Variants in EFCAB5 observed in about 807,000 individuals in gnomAD.
EFCAB5 encodes the protein EF-hand calcium-binding domain-containing protein 5.
In EFCAB5, 131 loss-of-function variants were observed where a neutral mutation model predicts 167.9. The observed-to-expected ratio is 0.78, with a 90% CI of 0.68 to 0.90. EFCAB5 has a LOEUF of 0.90. Among genes scored for constraint, EFCAB5 ranks in the 40% least tolerant of loss-of-function variants. The pLI, the probability that EFCAB5 is intolerant of heterozygous loss-of-function variation, is 0.00. For missense variants in EFCAB5, 1,663 were observed against 1,745.2 expected (o/e 0.95, Z 0.84); for synonymous variants, 574 against 602.8 (o/e 0.95, Z 0.70).
At chr17:29,939,708 C>G (rs1408534579), upstream of EFCAB5, among the ~76,000 whole-genome samples, 1 of 152,188 alleles carries the variant, frequency 6.6e-6, no homozygotes, top group Non-Finnish European at 1.5e-5. Flanking sequence ...TTCAGCTTTT[C>G]CTCTGCAGCT....
chr17:30,001,030 CAACTGTTT>C (rs1314093821), intron 7 of EFCAB5, among the ~76,000 whole-genome samples: 1 of 152,182 alleles, frequency 6.6e-6, no homozygotes, highest in Non-Finnish European at 1.5e-5. Context: ...AGCCAATCCT[CAACTGTTT>C]AACCTCTCGT....
chr17:30,070,355 A>T (rs1032953757), intron 14 of EFCAB5, among the ~76,000 whole-genome samples: 2 of 152,222 alleles, frequency 1.3e-5, no homozygotes, highest in South Asian at 4.1e-4. Context: ...TCTAAAATTC[A>T]TATGGTATCA....
intron 3 of EFCAB5, among the ~76,000 whole-genome samples, chr17:29,961,196 A>G (rs1472701983): frequency 6.6e-6 from 1 of 152,188 alleles, no homozygotes; most frequent in Non-Finnish European, 1.5e-5. Context: ...TATGATTTGC[A>G]TTCCCTAATA....
In EFCAB5 at chr17:30,057,940, A is replaced by C. The variant is rs2070319882; in HGVS notation, c.2580+50A>C. ...TACAAGTGAGGTCACTATTATAAGT[A>C]AATCTCTCAACCTCAGTTGCTCCCG... On this transcript the variant is annotated intron_variant, in intron 13 of 22. Coordinates refer to ENST00000394835, the MANE Select transcript of EFCAB5 (RefSeq NM_198529.4). The C allele has an allele frequency of 2.6e-6, 4 of 1,523,138 alleles. No homozygotes were observed. In the South Asian group the frequency reaches 4.9e-5, roughly 19 times the overall value. The allele number at this position is 1,523,138 out of a possible 1,614,324, so 94.4% of individuals were successfully genotyped here.
intron 14 of EFCAB5, among the ~76,000 whole-genome samples, chr17:30,067,778 A>G (rs1039948477): frequency 6.6e-6 from 1 of 152,210 alleles, no homozygotes; most frequent in African/African-American, 2.4e-5. Context: ...AATGAGACAA[A>G]GATAACCACT....
Position 29,968,872 on chromosome 17 carries a change from T to C in EFCAB5, c.272T>C (p.Ile91Thr). The change falls in exon 4 of 23, where the codon ATT (isoleucine) becomes ACT (threonine). Residue 91 changes from isoleucine to threonine, a missense_variant. Transcript: ENST00000394835. ...SKTEASGNIA[I>T]RKSAKVIFAL... ...ACTGAAGCCTCAGGTAATATTGCAA[T>C]TAGAAAATCTGCAAAAGTGATTTTT... The C allele has an allele frequency of 1.3e-6, 2 of 1,561,652 alleles. No individual in the cohort carries two copies. Among genetic ancestry groups the C allele is most frequent in the Non-Finnish European group, 1.7e-6 (2 of 1,152,310 alleles).
Position 30,051,177 on chromosome 17 carries a change from T to C in EFCAB5, c.1260T>C (p.Ser420=), listed in dbSNP as rs2070084246. The C allele has an allele frequency of 6.2e-7, 1 of 1,614,014 alleles. No individual in the cohort carries two copies. Among genetic ancestry groups the C allele is most frequent in the South Asian group, 1.1e-5 (1 of 91,080 alleles). The change falls in exon 9 of 23, where the codon AGT becomes AGC. Residue 420 remains serine, a synonymous_variant. Coordinates refer to ENST00000394835, the MANE Select transcript of EFCAB5 (RefSeq NM_198529.4). ...LALLELFYDH[S]SQMLRSLLRN... is the part of the protein sequence containing the mutation. ...TGCTGGAATTGTTCTATGACCATAG[T>C]TCACAAATGCTTAGGAGTTTACTTC...
intron 22 of EFCAB5, among the ~76,000 whole-genome samples, chr17:30,093,503 G>C (rs148104281): frequency 6.6e-6 from 1 of 152,202 alleles, no homozygotes; most frequent in African/African-American, 2.4e-5. Context: ...AATCATAATT[G>C]GGAAAATGGC....
chr17:29,945,054 A>C (rs80116562), intron 3 of EFCAB5, among the ~76,000 whole-genome samples: 1,530 of 152,308 alleles, frequency 0.01, 18 homozygotes, highest in African/African-American at 0.032. Flanking sequence ...TAGGATTAAA[A>C]AGTCTTCAAA....
intron 7 of EFCAB5, among the ~76,000 whole-genome samples, 197 bp downstream of exon 7, chr17:30,000,173 G>A (rs2151652788): frequency 6.6e-6 from 1 of 152,232 alleles, no homozygotes; most frequent in East Asian, 1.9e-4. Flanking sequence ...CACGCATGAT[G>A]TGAGAGTATA....
intron 3 of EFCAB5, among the ~76,000 whole-genome samples, chr17:29,946,265 T>C (rs2067394511): frequency 6.6e-6 from 1 of 151,926 alleles, no homozygotes; most frequent in African/African-American, 2.4e-5. Context: ...AAAATGCAAA[T>C]TAAAACCACG....
At chr17:30,043,414 A>G (rs529315247) in intron 8 of EFCAB5, among the ~76,000 whole-genome samples, 1 of 149,494 alleles carries the variant, frequency 6.7e-6, no homozygotes, top group South Asian at 2.1e-4. Context: ...TAAAGCAAGG[A>G]AAAAAAAAAG....
At chr17:30,080,660 G>C in intron 16 of EFCAB5, 93 bp from the exon 17 acceptor site, 2 of 957,408 alleles carry the variant, frequency 2.1e-6, no homozygotes, top group Non-Finnish European at 3.1e-6. Context: ...TAATGCCACA[G>C]ATTGTGAATA....
chr17:29,956,833 G>A (rs776092661), intron 3 of EFCAB5, among the ~76,000 whole-genome samples: 1 of 152,114 alleles, frequency 6.6e-6, no homozygotes, highest in Non-Finnish European at 1.5e-5. Flanking sequence ...AGCGGGGAGG[G>A]AGGGAGAGAG....
intron 14 of EFCAB5, among the ~76,000 whole-genome samples, chr17:30,062,729 C>T (rs2070457964): frequency 6.6e-6 from 1 of 152,180 alleles, no homozygotes; most frequent in South Asian, 2.1e-4. Context: ...CCAGCATCCT[C>T]AAGTGGAGCT....
chr17:29,995,132 C>A (rs1217843278), intron 5 of EFCAB5, among the ~76,000 whole-genome samples: 1 of 152,142 alleles, frequency 6.6e-6, no homozygotes, highest in East Asian at 1.9e-4. Context: ...TCTACCTTAG[C>A]CTCCTGAGTA....
intron 22 of EFCAB5, among the ~76,000 whole-genome samples, chr17:30,093,579 G>A (rs1197495721): frequency 1.3e-5 from 2 of 152,160 alleles, no homozygotes; most frequent in Admixed American, 6.5e-5. Context: ...TATCTGTGGA[G>A]GCTCTAGACC....
Position 30,000,598 on chromosome 17 carries a change from T to C in EFCAB5, c.1044+622T>C, listed in dbSNP as rs559242385. Among the ~76,000 whole-genome samples, 3 of 152,322 alleles carry C rather than the reference T, an allele frequency of 2.0e-5. No individual in the cohort carries two copies. In the South Asian group the frequency reaches 6.2e-4, roughly 32 times the overall value. On this transcript the variant is annotated intron_variant, in intron 7 of 22. Transcript: ENST00000394835. ...CATGTTTCTCCATTTCCCCTTGTTT[T>C]TCTCTGATGAGTTCCAGAGTCAAGG...
At chr17:29,941,970 G>A in intron 1 of EFCAB5, 132 bp downstream of exon 1, 6 of 1,063,520 alleles carry the variant, frequency 5.6e-6, no homozygotes, top group Non-Finnish European at 1.4e-6. Flanking sequence ...TCTGCATCAG[G>A]TTTTGACAGA....
Sources: gnomAD v4.1 joint callset for allele counts (sites outside exome capture counted in the v4.1 genomes callset) on GRCh38, gnomAD v4.1.1 for gene constraint, MANE v1.5 for transcripts, NCBI Gene and HGNC (gene_info 2026-07-23, HGNC 2026-07-21) for gene names.